Variants in CCNYL1 observed in about 807,000 individuals in gnomAD.
CCNYL1 encodes the protein cyclin-Y-like protein 1.
CCNYL1 carries 16 observed loss-of-function variants against 44.2 expected under a neutral mutation model. The observed-to-expected ratio is 0.36, with a 90% confidence interval of 0.25 to 0.55. The LOEUF (loss-of-function observed/expected upper bound fraction) is 0.55. Among genes scored for constraint, CCNYL1 ranks in the 20% least tolerant of loss-of-function variants. CCNYL1 has a pLI of 0.85. For synonymous variants in CCNYL1, 159 were observed against 163.2 expected (o/e 0.97, Z 0.20); for missense variants, 348 against 451.8 (o/e 0.77, Z 2.08).
chr2:207,744,568 C>T (rs1021651767), intron 7 of CCNYL1, among the ~76,000 whole-genome samples: 2 of 151,250 alleles, frequency 1.3e-5, no homozygotes, highest in Non-Finnish European at 2.9e-5. Flanking sequence ...CCGGGCTTCG[C>T]CATGTTGGTC....
chr2:207,729,266 ACCCCACCCC>A (rs1158246365), intron 3 of CCNYL1, among the ~76,000 whole-genome samples: 934 of 33,364 alleles, frequency 0.028, 10 homozygotes, highest in Non-Finnish European at 0.041. Flanking sequence ...CCCCGCCCCC[ACCCCACCCC>A]CCCCACCCCC....
At position 207,711,870 on chromosome 2, in the gene CCNYL1, G is replaced by T. The variant is rs1329973727; in HGVS notation, c.-27G>T. 2.2e-6 allele frequency: 3 copies of T among 1,351,012 alleles called. No homozygotes were observed. In the South Asian group the frequency reaches 5.4e-5, roughly 24 times the overall value. 83.7% of individuals were successfully genotyped at this position (1,351,012 alleles called of 1,614,324 possible). ...GGCGGAGTAGGGGGCGAGCGAAGGC[G>T]GTGGCAGAGAGGAGCGGAGGCTTCC... is the stretch of plus-strand genomic sequence containing the variant. On this transcript the variant is annotated 5_prime_UTR_variant, in exon 1 of 10. Coordinates refer to ENST00000295414, the MANE Select transcript of CCNYL1 (RefSeq NM_001330218.2).
At chr2:207,733,149 G>A (rs1158612820) in intron 3 of CCNYL1, among the ~76,000 whole-genome samples, 1 of 152,176 alleles carries the variant, frequency 6.6e-6, no homozygotes, top group Non-Finnish European at 1.5e-5. Context: ...ATCGGGATAA[G>A]GAGGAAGAAC....
intron 1 of CCNYL1, among the ~76,000 whole-genome samples, chr2:207,712,858 C>G (rs1269310625): frequency 6.6e-6 from 1 of 152,212 alleles, no homozygotes; most frequent in Non-Finnish European, 1.5e-5. Flanking sequence ...GTCGCCCGCC[C>G]AGGCTGGAGT....
intron 5 of CCNYL1, among the ~76,000 whole-genome samples, chr2:207,738,812 C>T (rs750864350): frequency 2.0e-5 from 3 of 152,018 alleles, no homozygotes; most frequent in Non-Finnish European, 4.4e-5. Flanking sequence ...CTCCGCCTCC[C>T]GGGTTCAAGC....
intron 2 of CCNYL1, among the ~76,000 whole-genome samples, 198 bp downstream of exon 2, chr2:207,725,072 G>A (rs533236127): frequency 6.7e-6 from 1 of 149,316 alleles, no homozygotes; most frequent in Non-Finnish European, 1.5e-5. Flanking sequence ...CTATTTACAG[G>A]TTTTGCCACC....
chr2:207,753,534 G>C, intron 9 of CCNYL1, 54 bp from the exon 10 acceptor site: 1 of 1,209,544 alleles, frequency 8.3e-7, no homozygotes, highest in South Asian at 1.2e-5. Context: ...CTCTTTCAAA[G>C]GCGGGAACCC....
chr2:207,728,274 T>C (rs2091696110), intron 3 of CCNYL1, among the ~76,000 whole-genome samples: 1 of 151,586 alleles, frequency 6.6e-6, no homozygotes, highest in South Asian at 2.1e-4. Flanking sequence ...TTTTTTTTTT[T>C]TTCTTTTTTT....
At chr2:207,714,338 T>TTA in intron 1 of CCNYL1, 2 of 386,726 alleles carry the variant, frequency 5.2e-6, no homozygotes, top group South Asian at 1.8e-5. Context: ...TTTTTTTTTT[T>TTA]AAGAGAAAGA....
intron 1 of CCNYL1, among the ~76,000 whole-genome samples, chr2:207,721,296 A>C (rs1312479691): frequency 6.6e-6 from 1 of 152,190 alleles, no homozygotes; most frequent in East Asian, 1.9e-4. Flanking sequence ...TGCTTCTGTC[A>C]GTTACTTTCT....
chr2:207,729,906 G>A (rs2105827004), intron 3 of CCNYL1, among the ~76,000 whole-genome samples: 1 of 152,040 alleles, frequency 6.6e-6, no homozygotes, highest in Admixed American at 6.6e-5. Context: ...AGTAGAGACA[G>A]GGTTTTGCCG....
At chr2:207,714,477 A>G (rs899587865) in intron 1 of CCNYL1, 3 of 345,640 alleles carry the variant, frequency 8.7e-6, no homozygotes, top group African/African-American at 6.6e-5. Context: ...TTATGTCTAT[A>G]CATTCATTTC....
At position 207,746,675 on chromosome 2, in the gene CCNYL1, G is replaced by T. The variant is rs140494455; in HGVS notation, c.640-372G>T. 9.6e-4 allele frequency among the ~76,000 whole-genome samples: 146 copies of T among 152,340 alleles called. 2 individuals are homozygous for T. Among genetic ancestry groups the T allele is most frequent in the African/African-American group, 3.3e-3 (137 of 41,584 alleles). On this transcript the variant is annotated intron_variant, in intron 7 of 9. Coordinates refer to ENST00000295414, the MANE Select transcript of CCNYL1 (RefSeq NM_001330218.2). Reference sequence around the variant, plus strand: ...AAAACAAAAGAAATTTGTCAGTCATGAATTCTTATCAAAGCATTTCGGGGC... The same window carrying T: ...AAAACAAAAGAAATTTGTCAGTCATTAATTCTTATCAAAGCATTTCGGGGC...
At chr2:207,740,580 A>C in intron 5 of CCNYL1, 75 bp from the exon 6 acceptor site, 1 of 998,136 alleles carries the variant, frequency 1.0e-6, no homozygotes, top group Non-Finnish European at 1.6e-6. Flanking sequence ...ATCTCCCGCC[A>C]CCCCCAGCAG....
intron 3 of CCNYL1, among the ~76,000 whole-genome samples, chr2:207,730,259 A>G (rs1175977729): frequency 6.6e-6 from 1 of 152,008 alleles, no homozygotes; most frequent in Non-Finnish European, 1.5e-5. Context: ...CCAACTACAT[A>G]TTTTCAGCCG....
At chr2:207,747,292 ATT>A in intron 8 of CCNYL1, 79 bp downstream of exon 8, 1 of 1,279,502 alleles carries the variant, frequency 7.8e-7, no homozygotes, top group Non-Finnish European at 1.1e-6. Flanking sequence ...TTTAAGGAAT[ATT>A]TTTAAAGGTT....
chr2:207,726,825 ATTT>A lies in CCNYL1; in HGVS notation c.296-11_296-9del. 1 of 1,557,896 alleles carries A rather than the reference ATTT, an allele frequency of 6.4e-7. No individual in the cohort carries two copies. The highest frequency in any genetic ancestry group is 2.4e-5 in the East Asian group (1 of 41,604). On this transcript the variant is annotated splice_polypyrimidine_tract_variant and intron_variant, in intron 2 of 9. Coordinates refer to ENST00000295414, the MANE Select transcript of CCNYL1 (RefSeq NM_001330218.2). ...CATTTGTATCAGAATTGATCAGCTA[ATTT>A]TTTTTATTCTTAGTGCGAGAAAAGA...
intron 1 of CCNYL1, chr2:207,714,487 C>T (rs1426449748): frequency 6.1e-6 from 2 of 327,928 alleles, no homozygotes; most frequent in South Asian, 2.4e-5. Flanking sequence ...ACATTCATTT[C>T]AGTGGATAAG....
intron 6 of CCNYL1, among the ~76,000 whole-genome samples, chr2:207,741,243 A>G (rs900972904): frequency 1.3e-5 from 2 of 148,222 alleles, no homozygotes; most frequent in Admixed American, 6.6e-5. Context: ...CGACAGTGAG[A>G]CTCCATCTCA....
Sources: allele counts gnomAD v4.1 joint callset (sites outside exome capture counted in the v4.1 genomes callset), GRCh38; gene constraint gnomAD v4.1.1; transcripts MANE v1.5; gene names NCBI Gene and HGNC (gene_info 2026-07-23, HGNC 2026-07-21).